Variants in MGAT4C observed in about 807,000 individuals in gnomAD.
MGAT4C encodes MGAT4 family member C.
A neutral mutation model predicts 40.1 loss-of-function variants in MGAT4C; 19 were observed. The observed-to-expected ratio is 0.47, with a 90% confidence interval of 0.33 to 0.70. The LOEUF (loss-of-function observed/expected upper bound fraction) is 0.70, where lower values mean the gene tolerates loss of function less well. Among genes scored for constraint, MGAT4C ranks in the 30% least tolerant of loss-of-function variants. The pLI, the probability that MGAT4C is intolerant of heterozygous loss-of-function variation, is 0.02. For synonymous variants in MGAT4C, 181 were observed against 187.1 expected (o/e 0.97, Z 0.27); for missense variants, 491 against 563.2 (o/e 0.87, Z 1.30).
intron 4 of MGAT4C, among the ~76,000 whole-genome samples, chr12:86,282,695 C>T (rs1280888853): frequency 6.6e-6 from 1 of 151,960 alleles, no homozygotes; most frequent in Non-Finnish European, 1.5e-5. Flanking sequence ...TTTGTTCTGG[C>T]AATACTTAAT....
intron 2 of MGAT4C, among the ~76,000 whole-genome samples, chr12:86,719,669 A>C (rs1390489336): frequency 6.6e-6 from 1 of 152,176 alleles, no homozygotes; most frequent in Non-Finnish European, 1.5e-5. Context: ...TGGTGTTTGC[A>C]GCTGAGTGTT....
At chr12:86,650,653 A>G (rs1963670710) in intron 2 of MGAT4C, among the ~76,000 whole-genome samples, 1 of 151,888 alleles carries the variant, frequency 6.6e-6, no homozygotes, top group African/African-American at 2.4e-5. Flanking sequence ...ACTATATATT[A>G]TCTGTGATTC....
In MGAT4C at chr12:85,957,240, T is replaced by C. The variant is rs546271065; in HGVS notation, c.*22049A>G. 6.6e-6 allele frequency: 1 copy of C among 152,354 alleles called. No homozygotes were observed. The highest frequency in any genetic ancestry group is 1.9e-4 in the East Asian group (1 of 5,188). 9.4% of individuals were successfully genotyped at this position (152,354 alleles called of 1,614,324 possible). A position where few individuals can be genotyped will look rare whatever the true frequency, so the allele number is the denominator to read the frequency against. ...TTTATGTTTAATTTTTATTTTATTT[T>C]CTTCATCTGTAAATAAAGTCATATT... On this transcript the variant is annotated 3_prime_UTR_variant, in exon 5 of 5. Coordinates refer to ENST00000611864, the MANE Select transcript of MGAT4C (RefSeq NM_001351288.2).
intron 1 of MGAT4C, among the ~76,000 whole-genome samples, chr12:86,168,874 G>A (rs865785221): frequency 1.3e-5 from 2 of 152,064 alleles, no homozygotes; most frequent in East Asian, 1.9e-4. Flanking sequence ...TCCAGGTCCC[G>A]TACCATTACA....
intron 1 of MGAT4C, among the ~76,000 whole-genome samples, chr12:86,121,153 A>G (rs1199207924): frequency 6.6e-6 from 1 of 152,200 alleles, no homozygotes; most frequent in Non-Finnish European, 1.5e-5. Flanking sequence ...TCAGTGATTG[A>G]AGATCAAATG....
intron 2 of MGAT4C, among the ~76,000 whole-genome samples, chr12:86,605,062 C>T (rs1356155871): frequency 6.6e-6 from 1 of 152,010 alleles, no homozygotes; most frequent in African/African-American, 2.4e-5. Flanking sequence ...ATCTATTTGT[C>T]ATGATTAGGG....
chr12:86,511,264 C>G (rs953603516), intron 2 of MGAT4C, among the ~76,000 whole-genome samples: 1 of 152,036 alleles, frequency 6.6e-6, no homozygotes, highest in African/African-American at 2.4e-5. Context: ...TGAAATGAAG[C>G]AGAAATAAAG....
intron 1 of MGAT4C, among the ~76,000 whole-genome samples, chr12:86,103,736 C>T (rs993951458): frequency 2.0e-5 from 3 of 152,000 alleles, no homozygotes; most frequent in African/African-American, 7.2e-5. Context: ...GACATCTGAC[C>T]CAAGCTATAC....
intron 2 of MGAT4C, among the ~76,000 whole-genome samples, chr12:86,520,608 G>A (rs1016255560): frequency 6.6e-6 from 1 of 152,244 alleles, no homozygotes; most frequent in African/African-American, 2.4e-5. Context: ...GGATTACTAA[G>A]TGGAATGGTA....
chr12:86,030,637 G>T (rs1447993438), intron 2 of MGAT4C, among the ~76,000 whole-genome samples: 1 of 151,698 alleles, frequency 6.6e-6, no homozygotes, highest in Non-Finnish European at 1.5e-5. Flanking sequence ...TTTATGCATT[G>T]TTCCCAATGG....
At chr12:86,744,668 C>CT (rs1380884376) in intron 1 of MGAT4C, among the ~76,000 whole-genome samples, 3 of 151,376 alleles carry the variant, frequency 2.0e-5, no homozygotes, top group African/African-American at 7.3e-5. Flanking sequence ...TTTCAAGGTG[C>CT]TTTATTATGA....
intron 4 of MGAT4C, among the ~76,000 whole-genome samples, chr12:86,318,159 A>G (rs1004398878): frequency 6.6e-6 from 1 of 152,106 alleles, no homozygotes; most frequent in Admixed American, 6.6e-5. Flanking sequence ...GGAGAGATTT[A>G]TTTGGTTTAA....
intron 1 of MGAT4C, among the ~76,000 whole-genome samples, chr12:86,200,127 GTTTTTTTTTT>G (rs56844963): frequency 0.35 from 35,712 of 103,162 alleles, 5,473 homozygotes; most frequent in Admixed American, 0.46. Context: ...GTATGTATTT[GTTTTTTTTTT>G]TTTTTTTTTT....
chr12:86,655,051 T>A (rs866445670), intron 2 of MGAT4C, among the ~76,000 whole-genome samples: 11 of 152,098 alleles, frequency 7.2e-5, no homozygotes, highest in Non-Finnish European at 1.0e-4. Context: ...TTCTTTTTTT[T>A]TATACTTTAA....
chr12:86,765,348 A>G (rs1951486158), intron 1 of MGAT4C, among the ~76,000 whole-genome samples: 1 of 152,206 alleles, frequency 6.6e-6, no homozygotes, highest in East Asian at 1.9e-4. Context: ...CAAAGCCTCC[A>G]AGAAATATGG....
chr12:86,242,233 T>A (rs998368341), intron 1 of MGAT4C, among the ~76,000 whole-genome samples: 2 of 152,046 alleles, frequency 1.3e-5, no homozygotes, highest in Admixed American at 1.3e-4. Context: ...CTGCACCCAT[T>A]CAGTCTAACT....
Position 85,959,660 on chromosome 12 carries a change from G to A in MGAT4C, c.*19629C>T, listed in dbSNP as rs571652548. The A allele has an allele frequency of 4.0e-5, 6 of 150,708 alleles. No individual in the cohort carries two copies. The highest frequency in any genetic ancestry group is 8.9e-5 in the Non-Finnish European group (6 of 67,750). The allele number at this position is 150,708 out of a possible 1,614,324, so 9.3% of individuals were successfully genotyped here. On this transcript the variant is annotated 3_prime_UTR_variant, in exon 5 of 5. Transcript: ENST00000611864. Reference sequence around the variant, plus strand: ...TGTGTTGTAGTTTCTCAGAGCAACCGCCGCTCATCTTTCACTCACCTTAAC... The same window carrying A: ...TGTGTTGTAGTTTCTCAGAGCAACCACCGCTCATCTTTCACTCACCTTAAC...
At chr12:86,586,746 C>G (rs895968704) in intron 2 of MGAT4C, among the ~76,000 whole-genome samples, 15 of 151,030 alleles carry the variant, frequency 9.9e-5, no homozygotes, top group East Asian at 7.9e-4. Flanking sequence ...GCATAAATGT[C>G]TTCTTTTGAG....
rs78208243 is a variant in MGAT4C, at chr12:85,975,434, T to TAA, written c.*3853_*3854dup. On this transcript the variant is annotated 3_prime_UTR_variant, in exon 5 of 5. Transcript: ENST00000611864. The stretch of plus-strand genomic sequence containing the variant: ...AGCTACAAGGTAAAATTGCTACCTT[T>TAA]AAAAACATATGAGGTAAAATTATTC... 6.6e-6 allele frequency: 1 copy of TAA among 150,572 alleles called. No individual in the cohort carries two copies. Among genetic ancestry groups the TAA allele is most frequent in the African/African-American group, 2.4e-5 (1 of 41,256 alleles). The allele number at this position is 150,572 out of a possible 1,614,324, so 9.3% of individuals were successfully genotyped here. A position where few individuals can be genotyped will look rare whatever the true frequency, so the allele number is the denominator to read the frequency against.
Sources: gnomAD v4.1 joint callset for allele counts (sites outside exome capture counted in the v4.1 genomes callset) on GRCh38, gnomAD v4.1.1 for gene constraint, MANE v1.5 for transcripts, NCBI Gene and HGNC (gene_info 2026-07-23, HGNC 2026-07-21) for gene names.